Variants in BAHCC1 observed in about 807,000 individuals in gnomAD.
The protein encoded by BAHCC1 is BAH domain and coiled-coil containing 1, also known as BAH and coiled-coil domain-containing protein 1.
Under a neutral mutation model 88.2 loss-of-function variants are expected in BAHCC1, and 43 were observed. The observed-to-expected ratio is 0.49, with a 90% CI of 0.38 to 0.63. The LOEUF is 0.63. Among genes scored for constraint, BAHCC1 ranks in the 20% least tolerant of loss-of-function variants. The pLI, the probability that BAHCC1 is intolerant of heterozygous loss-of-function variation, is 0.00. For missense variants in BAHCC1, 3,023 were observed against 1,654.8 expected (o/e 1.83, Z -14.34); for synonymous variants, 1,510 against 745.5 (o/e 2.03, Z -16.71).
Position 81,460,646 on chromosome 17 carries a change from C to G in BAHCC1, c.6142C>G (p.Gln2048Glu). 1 of 772,212 alleles carries G rather than the reference C, an allele frequency of 1.3e-6. No individual in the cohort carries two copies. Among genetic ancestry groups the G allele is most frequent in the South Asian group, 1.4e-5 (1 of 73,542 alleles). The allele number at this position is 772,212 out of a possible 1,614,324, so 47.8% of individuals were successfully genotyped here. The change falls in exon 25 of 28, where the codon CAG becomes GAG. Residue 2048 changes from glutamine to glutamate, a missense_variant. By Grantham distance (29) the Gln-to-Glu change is conservative. Transcript: ENST00000675386. Reference protein sequence around the residue: ...AATPSLSPKAQDGPEALKTPG... With the variant: ...AATPSLSPKAEDGPEALKTPG... ...CACCCCCAGCCTGTCCCCCAAAGCACAGGACGGCCCCGAAGCTTTGAAGAC... is the reference window on the plus strand; with the variant it reads ...CACCCCCAGCCTGTCCCCCAAAGCAGAGGACGGCCCCGAAGCTTTGAAGAC...
chr17:81,419,613 T>A (rs1391346301), intron 2 of BAHCC1, among the ~76,000 whole-genome samples: 2 of 143,652 alleles, frequency 1.4e-5, no homozygotes, highest in African/African-American at 5.1e-5. Flanking sequence ...GAGGGGAGCC[T>A]GAGTGGGTGT....
At chr17:81,407,035 GA>G (rs2063889664) in intron 2 of BAHCC1, 2 of 454,884 alleles carry the variant, frequency 4.4e-6, no homozygotes, top group Admixed American at 4.7e-5. Context: ...GATCCCCCAA[GA>G]AAAAGTCCAG....
Position 81,461,905 on chromosome 17 carries a change from C to G in BAHCC1, c.7242C>G (p.Leu2414=). 1.3e-6 allele frequency: 1 copy of G among 742,002 alleles called. No homozygotes were observed. Among genetic ancestry groups the G allele is most frequent in the Non-Finnish European group, 2.5e-6 (1 of 399,534 alleles). The allele number at this position is 742,002 out of a possible 1,614,324, so 46.0% of individuals were successfully genotyped here. A position where few individuals can be genotyped will look rare whatever the true frequency, so the allele number is the denominator to read the frequency against. ...SGPSSSSKSK[L]KRKEALSFSK... ...CCAGCAGCAGCAGCAAATCCAAGCT[C>G]AAGCGCAAAGAGGCCCTGAGCTTCT... is the stretch of plus-strand genomic sequence containing the variant. The change falls in exon 26 of 28, where the codon CTC becomes CTG. Residue 2414 remains leucine, a synonymous_variant. Coordinates refer to ENST00000675386, the MANE Select transcript of BAHCC1 (RefSeq NM_001377448.1).
In BAHCC1 at chr17:81,411,593, G is replaced by A; in HGVS notation, c.178+11676G>A. The A allele has an allele frequency of 2.3e-6, 1 of 434,370 alleles. No homozygotes were observed. 26.9% of individuals were successfully genotyped at this position (434,370 alleles called of 1,614,324 possible). ...CTTCCTTGAGAGGCCTCTCTACCCAGCACCCACGAAGACGGGTGAGCTGCT... is the reference window on the plus strand; with the variant it reads ...CTTCCTTGAGAGGCCTCTCTACCCAACACCCACGAAGACGGGTGAGCTGCT... On this transcript the variant is annotated intron_variant, in intron 2 of 27. Coordinates refer to ENST00000675386, the MANE Select transcript of BAHCC1 (RefSeq NM_001377448.1). This position sits in a 1 kb window ranked among gnomAD's most constrained non-coding sequence, Gnocchi z 6.2.
At chr17:81,423,566 C>G (rs895414466) in intron 2 of BAHCC1, among the ~76,000 whole-genome samples, 3 of 152,228 alleles carry the variant, frequency 2.0e-5, no homozygotes, top group Non-Finnish European at 2.9e-5. Flanking sequence ...GCAGGCCCCC[C>G]GCCCCAGGTT....
chr17:81,421,054 A>AC (rs2143354713), intron 2 of BAHCC1, among the ~76,000 whole-genome samples: 1 of 152,338 alleles, frequency 6.6e-6, no homozygotes, highest in African/African-American at 2.4e-5. Flanking sequence ...TGATGGCACT[A>AC]CGTCACATGA....
chr17:81,424,650 T>A (rs2064153325), intron 2 of BAHCC1, among the ~76,000 whole-genome samples: 1 of 151,592 alleles, frequency 6.6e-6, no homozygotes, highest in African/African-American at 2.4e-5. Context: ...TGGTTGGTGG[T>A]AATGGTAGTG....
At position 81,443,541 on chromosome 17, in the gene BAHCC1, G is replaced by A. The variant is rs1555653371; in HGVS notation, c.2192G>A (p.Gly731Asp). ...TACGGCACCAACACTGCGCGGCAGG[G>A]CCGGGCCGCCCCCGCCTTCAAAGGT... ...AAYGTNTARQ[G>D]RAAPAFKGGG... The change falls in exon 5 of 28, where the codon GGC (glycine) becomes GAC (aspartate). Residue 731 changes from glycine (G) to aspartate (D), a missense_variant. Gly to Asp is a moderately conservative substitution (Grantham distance 94, BLOSUM62 -1). Coordinates refer to ENST00000675386, the MANE Select transcript of BAHCC1 (RefSeq NM_001377448.1). The A allele has an allele frequency of 6.1e-6, 4 of 651,992 alleles. No individual in the cohort carries two copies. Among genetic ancestry groups the A allele is most frequent in the Admixed American group, 4.5e-5 (2 of 44,402 alleles). The allele number at this position is 651,992 out of a possible 1,614,324, so 40.4% of individuals were successfully genotyped here.
intron 2 of BAHCC1, among the ~76,000 whole-genome samples, chr17:81,417,625 C>T (rs539250986): frequency 6.7e-5 from 9 of 134,480 alleles, no homozygotes; most frequent in African/African-American, 2.4e-4. Flanking sequence ...ATCCGATTTT[C>T]CTTTTCTTTT....
At chr17:81,445,886 G>A (rs1324029537) in intron 10 of BAHCC1, among the ~76,000 whole-genome samples, 3 of 152,228 alleles carry the variant, frequency 2.0e-5, no homozygotes, top group Non-Finnish European at 2.9e-5. Flanking sequence ...TGCCCCAGCC[G>A]CCCCCTTCCT....
chr17:81,408,402 C>T (rs2063907288), intron 2 of BAHCC1, among the ~76,000 whole-genome samples: 1 of 151,456 alleles, frequency 6.6e-6, no homozygotes, highest in African/African-American at 2.4e-5. Context: ...TCCCACCCCC[C>T]AGGCTCCCAC....
intron 2 of BAHCC1, among the ~76,000 whole-genome samples, chr17:81,416,674 A>G (rs2064035775): frequency 2.0e-5 from 3 of 152,200 alleles, no homozygotes; most frequent in Admixed American, 2.0e-4. Context: ...GGGTGAGCAC[A>G]CAGGAGGGTG....
intron 2 of BAHCC1, chr17:81,401,566 G>T (rs2063817294): frequency 6.5e-6 from 1 of 152,718 alleles, no homozygotes; most frequent in East Asian, 1.9e-4. Context: ...GGGCGCTGAG[G>T]CTGGGGCCGC....
In BAHCC1 at chr17:81,451,675, A is replaced by G. The variant is rs782414828; in HGVS notation, c.3984A>G (p.Glu1328=). 5.2e-6 allele frequency: 4 copies of G among 775,888 alleles called. No individual in the cohort carries two copies. Among genetic ancestry groups the G allele is most frequent in the African/African-American group, 3.4e-5 (2 of 59,138 alleles). The allele number at this position is 775,888 out of a possible 1,614,324, so 48.1% of individuals were successfully genotyped here. The change falls in exon 12 of 28, where the codon GAA becomes GAG. Residue 1328 remains glutamate, a synonymous_variant. Coordinates refer to ENST00000675386, the MANE Select transcript of BAHCC1 (RefSeq NM_001377448.1). The stretch of plus-strand genomic sequence containing the variant: ...CCTTCCCATGCCGCACAGAGGAGGA[A>G]GAGGACGTGCTAGCCTTCAACCTGC... The part of the protein sequence containing the change: ...QRSERTVPEE[E]EDVLAFNLQH...
chr17:81,429,708 C>T (rs1375831383), intron 3 of BAHCC1, among the ~76,000 whole-genome samples: 3 of 152,200 alleles, frequency 2.0e-5, no homozygotes, highest in African/African-American at 7.2e-5. Context: ...TCCTAGTGGC[C>T]CAGGATGGGC....
chr17:81,455,143 C>T, intron 14 of BAHCC1, 124 bp from the exon 15 acceptor site: 1 of 630,662 alleles, frequency 1.6e-6, no homozygotes, highest in Non-Finnish European at 2.9e-6. Flanking sequence ...GCTCTGTCTG[C>T]CCGAGACGTG....
At chr17:81,452,687 G>A (rs147893339) in intron 13 of BAHCC1, 36 bp from the exon 14 acceptor site, 14 of 725,926 alleles carry the variant, frequency 1.9e-5, no homozygotes, top group Admixed American at 1.2e-4. Flanking sequence ...GCTGGGTTGT[G>A]CATGAGCCTC....
At chr17:81,425,430 TTGG>T (rs2064173501) in intron 2 of BAHCC1, among the ~76,000 whole-genome samples, 1 of 72,758 alleles carries the variant, frequency 1.4e-5, no homozygotes, top group African/African-American at 8.1e-5. Flanking sequence ...GGTGATGTGG[TTGG>T]TGGTGATGTG....
At chr17:81,451,898 G>A (rs868934154) in intron 12 of BAHCC1, 28 bp downstream of exon 12, 7 of 687,102 alleles carry the variant, frequency 1.0e-5, no homozygotes, top group Admixed American at 4.1e-5. Flanking sequence ...TGCCCACGTC[G>A]CCCAGTGCGT....
Sources: allele counts gnomAD v4.1 joint callset (sites outside exome capture counted in the v4.1 genomes callset), GRCh38; gene constraint gnomAD v4.1.1; non-coding constraint Gnocchi (gnomAD v3.1); transcripts MANE v1.5; gene names NCBI Gene and HGNC (gene_info 2026-07-23, HGNC 2026-07-21).